The following OPA1 variants were observed in gnomAD, a reference collection of about 807,000 sequenced individuals.
The protein encoded by OPA1 is OPA1 mitochondrial dynamin like GTPase, also known as dynamin-like GTPase OPA1, mitochondrial.
Under a neutral mutation model 152.9 loss-of-function variants are expected in OPA1, and 59 were observed. That is an observed-to-expected ratio of 0.39 (90% CI 0.31 to 0.48). The LOEUF (loss-of-function observed/expected upper bound fraction) is 0.48. Among genes scored for constraint, OPA1 ranks in the 20% least tolerant of loss-of-function variants. The pLI, the probability that OPA1 is intolerant of heterozygous loss-of-function variation, is 0.96. For synonymous variants in OPA1, 400 were observed against 389.9 expected (o/e 1.03, Z -0.31); for missense variants, 1,008 against 1,216.8 (o/e 0.83, Z 2.55).
chr3:193,658,285 CT>C (rs1714400209), intron 23 of OPA1, among the ~76,000 whole-genome samples: 3 of 150,118 alleles, frequency 2.0e-5, no homozygotes, highest in African/African-American at 7.3e-5. Context: ...CATATTTATT[CT>C]TGTTAAATGC....
intron 29 of OPA1, chr3:193,689,204 T>G (rs1247789277): frequency 6.6e-6 from 1 of 152,224 alleles, no homozygotes; most frequent in African/African-American, 2.4e-5. Flanking sequence ...TATCACTTTA[T>G]GAAGTACATT....
chr3:193,645,744 C>T lies in OPA1; in HGVS notation c.1698C>T (p.Ser566=). 1 of 1,613,608 alleles carries T rather than the reference C, an allele frequency of 6.2e-7. No individual in the cohort carries two copies. ...VVTGKGNSSE[S]IEAIREYEEE... ...CTTCCCCAGGGAACAGCTCTGAAAG[C>T]ATTGAAGCTATAAGAGAATATGAAG... is the stretch of plus-strand genomic sequence containing the variant. The change falls in exon 18 of 31, where the codon AGC becomes AGT. Residue 566 remains serine, a synonymous_variant. Transcript: ENST00000361510.
intron 29 of OPA1, among the ~76,000 whole-genome samples, chr3:193,689,548 T>C (rs1397661275): frequency 6.6e-6 from 1 of 152,240 alleles, no homozygotes; most frequent in Non-Finnish European, 1.5e-5. Flanking sequence ...AATCTGATTT[T>C]CATTTAGACC....
At chr3:193,649,498 A>G (rs1005111688) in intron 21 of OPA1, among the ~76,000 whole-genome samples, 2 of 152,178 alleles carry the variant, frequency 1.3e-5, no homozygotes, top group Admixed American at 6.5e-5. Flanking sequence ...TTGTAGTCAC[A>G]TGTTAATTAA....
intron 26 of OPA1, among the ~76,000 whole-genome samples, chr3:193,664,000 G>A (rs1715932686): frequency 6.6e-6 from 1 of 151,896 alleles, no homozygotes; most frequent in African/African-American, 2.4e-5. Context: ...CAGTAGGAGG[G>A]ATTTTCTCTT....
chr3:193,644,261 ATG>A, intron 16 of OPA1, 156 bp downstream of exon 16: 2 of 812,042 alleles, frequency 2.5e-6, no homozygotes, highest in Non-Finnish European at 3.9e-6. Context: ...ACAAAAGGAA[ATG>A]GTACATGGTA....
At chr3:193,648,525 G>A in intron 20 of OPA1, 1 of 426,250 alleles carries the variant, frequency 2.3e-6, no homozygotes, top group Non-Finnish European at 4.3e-6. Context: ...AAATTAATAT[G>A]TATTGATGCT....
chr3:193,656,183 G>A (rs948277798), intron 22 of OPA1, among the ~76,000 whole-genome samples: 15 of 152,124 alleles, frequency 9.9e-5, no homozygotes, highest in Non-Finnish European at 1.9e-4. Context: ...ACATCCTAAG[G>A]TTCAAGCAGT....
intron 11 of OPA1, among the ~76,000 whole-genome samples, chr3:193,639,714 A>G (rs936664595): frequency 6.6e-6 from 1 of 152,264 alleles, no homozygotes; most frequent in Non-Finnish European, 1.5e-5. Context: ...GCAAAGTAAC[A>G]AAAGTGCCTT....
intron 23 of OPA1, among the ~76,000 whole-genome samples, chr3:193,658,043 T>A (rs1714287866): frequency 6.6e-6 from 1 of 152,042 alleles, no homozygotes; most frequent in Non-Finnish European, 1.5e-5. Flanking sequence ...GTCCGGAGTT[T>A]GAGACCAGCC....
At chr3:193,631,714 G>T (rs371561263) in intron 8 of OPA1, 49 bp downstream of exon 8, 1 of 1,499,226 alleles carries the variant, frequency 6.7e-7, no homozygotes. Context: ...AATTATATTC[G>T]AATGTAACTT....
chr3:193,689,744 T>C (rs989223879), intron 29 of OPA1, among the ~76,000 whole-genome samples: 1 of 152,204 alleles, frequency 6.6e-6, no homozygotes, highest in South Asian at 2.1e-4. Flanking sequence ...CACTGCCCTA[T>C]TGTACTCAAA....
intron 4 of OPA1, 126 bp from the exon 5 acceptor site, chr3:193,617,658 T>A (rs1324730617): frequency 1.3e-6 from 1 of 757,560 alleles, no homozygotes; most frequent in African/African-American, 1.7e-5. Flanking sequence ...TTATTAAGTT[T>A]AATCCTGGCA....
chr3:193,649,019 A>G, intron 21 of OPA1, 148 bp downstream of exon 21: 1 of 596,574 alleles, frequency 1.7e-6, no homozygotes, highest in Non-Finnish European at 3.1e-6. Context: ...GGCAATATCT[A>G]ACTACTTTTG....
intron 1 of OPA1, among the ~76,000 whole-genome samples, chr3:193,610,004 G>A (rs1173994468): frequency 6.6e-6 from 1 of 152,134 alleles, no homozygotes; most frequent in Non-Finnish European, 1.5e-5. Context: ...AGCTTGGATA[G>A]TTTGATTGTC....
chr3:193,646,730 G>A (rs541400191), intron 18 of OPA1, among the ~76,000 whole-genome samples: 75 of 152,034 alleles, frequency 4.9e-4, no homozygotes, highest in Non-Finnish European at 1.0e-3. Context: ...CCAATATCAC[G>A]CCACTGCACT....
intron 8 of OPA1, 178 bp downstream of exon 8, chr3:193,631,843 A>C: frequency 3.1e-6 from 2 of 637,876 alleles, no homozygotes; most frequent in Admixed American, 5.8e-5. Context: ...AGACAGAACT[A>C]GATAAGTATG....
At chr3:193,653,679 T>G (rs1713084328) in intron 21 of OPA1, among the ~76,000 whole-genome samples, 1 of 152,204 alleles carries the variant, frequency 6.6e-6, no homozygotes, top group Non-Finnish European at 1.5e-5. Context: ...TCTACAGCAT[T>G]CTATAACATC....
chr3:193,649,878 CTT>C (rs1470426109), intron 21 of OPA1, among the ~76,000 whole-genome samples: 1 of 152,116 alleles, frequency 6.6e-6, no homozygotes, highest in Non-Finnish European at 1.5e-5. Context: ...TTATTTGTAT[CTT>C]AGCCCAGTTC....
Sources: allele counts gnomAD v4.1 joint callset (sites outside exome capture counted in the v4.1 genomes callset), GRCh38; gene constraint gnomAD v4.1.1; transcripts MANE v1.5; gene names NCBI Gene and HGNC (gene_info 2026-07-23, HGNC 2026-07-21).